NAV2: variants seen among roughly 807,000 people sequenced by gnomAD.
NAV2 encodes the protein helicase, APC down-regulated 1.
In NAV2, 54 loss-of-function variants were observed where a neutral mutation model predicts 223.2. That is an observed-to-expected ratio of 0.24 (90% CI 0.19 to 0.30). The LOEUF (loss-of-function observed/expected upper bound fraction) is 0.30. NAV2 is among the 10% of genes least tolerant of loss of function. The pLI is 1.00. For synonymous variants in NAV2, 1,279 were observed against 1,239.3 expected (o/e 1.03, Z -0.67); for missense variants, 2,806 against 3,147.5 (o/e 0.89, Z 2.60).
chr11:19,655,534 C>T (rs1325382624), intron 1 of NAV2, among the ~76,000 whole-genome samples: 1 of 152,052 alleles, frequency 6.6e-6, no homozygotes, highest in Non-Finnish European at 1.5e-5. Context: ...AAATGTGGCA[C>T]ATATACACCA....
intron 1 of NAV2, chr11:19,714,252 C>T: frequency 3.1e-6 from 2 of 638,956 alleles, no homozygotes; most frequent in Non-Finnish European, 5.8e-6. Context: ...TCTCAAAAAA[C>T]GTGTGCATCG....
chr11:20,045,436 C>T lies in NAV2; in HGVS notation c.3668C>T (p.Ala1223Val). The T allele has an allele frequency of 3.1e-6, 5 of 1,614,184 alleles. No individual in the cohort carries two copies. Among genetic ancestry groups the T allele is most frequent in the Non-Finnish European group, 3.4e-6 (4 of 1,180,026 alleles). Residue 1223 changes from alanine (A) to valine (V), a missense_variant, in exon 14 of 38, where the codon GCA (alanine) becomes GTA (valine). Physicochemically the swap from Ala to Val is moderately conservative, Grantham distance 64. Around this residue, in one of 4 missense-constraint regions of NAV2, gnomAD observed 742 missense variants for 777.9 expected, o/e 0.95. Coordinates refer to ENST00000349880, the MANE Select transcript of NAV2 (RefSeq NM_145117.5). ...SIDSNISSKS[A>V]GLPVPKLREP... ...GATTCCAACATTAGCAGCAAGTCCG[C>T]AGGCCTGCCAGTGCCCAAACTGAGG...
rs139206586 is a variant in NAV2, at chr11:19,937,124, C to G, written c.2034-2537C>G. ...CTGCACACCAGCCTGGGCAACAGAA[C>G]GAGACTGTCTCAAAAACAAACAAAC... is the stretch of plus-strand genomic sequence containing the variant. On this transcript the variant is annotated intron_variant, in intron 7 of 37. Coordinates refer to ENST00000349880, the MANE Select transcript of NAV2 (RefSeq NM_145117.5). Among the ~76,000 whole-genome samples the G allele has an allele frequency of 3.1e-3, 477 of 152,190 alleles. 15 individuals are homozygous for G. In the South Asian group the frequency reaches 0.069, roughly 22 times the overall value.
intron 1 of NAV2, among the ~76,000 whole-genome samples, chr11:19,827,856 GAAT>G (rs1279514786): frequency 6.6e-6 from 1 of 151,984 alleles, no homozygotes; most frequent in Non-Finnish European, 1.5e-5. Flanking sequence ...TGTAATCTGG[GAAT>G]CCCAGCATTC....
intron 1 of NAV2, among the ~76,000 whole-genome samples, chr11:19,566,800 G>T (rs1230756762): frequency 1.3e-5 from 2 of 152,162 alleles, no homozygotes; most frequent in Non-Finnish European, 2.9e-5. Flanking sequence ...GGAAACTAAG[G>T]TCTAGAGGGG....
chr11:19,965,901 G>A (rs1394211169), intron 10 of NAV2, among the ~76,000 whole-genome samples: 3 of 152,204 alleles, frequency 2.0e-5, no homozygotes, highest in Non-Finnish European at 4.4e-5. Context: ...ATAGCTGAAG[G>A]CTAGAGTTAT....
chr11:19,970,527 C>G (rs373698874), intron 10 of NAV2, among the ~76,000 whole-genome samples: 151 of 152,232 alleles, frequency 9.9e-4, no homozygotes, highest in African/African-American at 3.4e-3. Flanking sequence ...TTGGTAGGTA[C>G]CTATCTCGAG....
intron 7 of NAV2, among the ~76,000 whole-genome samples, chr11:19,935,900 A>G (rs1262492727): frequency 9.0e-6 from 1 of 110,598 alleles, no homozygotes. Flanking sequence ...CTCTATCGCC[A>G]TGGCTGGAGT....
intron 1 of NAV2, among the ~76,000 whole-genome samples, chr11:19,825,676 T>G (rs969627565): frequency 2.6e-5 from 4 of 152,230 alleles, no homozygotes; most frequent in African/African-American, 9.6e-5. Flanking sequence ...GAGGGCTAAT[T>G]GCAGTATAAA....
At chr11:19,404,672 G>A (rs551554276) in intron 1 of NAV2, among the ~76,000 whole-genome samples, 1 of 152,048 alleles carries the variant, frequency 6.6e-6, no homozygotes, top group South Asian at 2.1e-4. Flanking sequence ...TTGTAAATGC[G>A]CCTCTGTGCC....
chr11:20,115,627 G>A (rs1183534319), intron 37 of NAV2, among the ~76,000 whole-genome samples: 17 of 42,900 alleles, frequency 4.0e-4, no homozygotes, highest in African/African-American at 9.4e-4. Flanking sequence ...GCAAGACTCC[G>A]TCTCAAAAAA....
chr11:19,676,472 C>A (rs1308784559), intron 1 of NAV2, among the ~76,000 whole-genome samples: 2 of 88,392 alleles, frequency 2.3e-5, no homozygotes, highest in Non-Finnish European at 5.9e-5. Context: ...TCCCTCCTTA[C>A]CTCTCCCTGA....
At chr11:19,650,584 G>T (rs2047942922) in intron 1 of NAV2, among the ~76,000 whole-genome samples, 1 of 152,200 alleles carries the variant, frequency 6.6e-6, no homozygotes, top group Non-Finnish European at 1.5e-5. Context: ...TTAACCCAGA[G>T]AAATGAAAGC....
intron 1 of NAV2, among the ~76,000 whole-genome samples, chr11:19,499,018 A>G (rs2042882843): frequency 6.6e-6 from 1 of 152,226 alleles, no homozygotes; most frequent in Non-Finnish European, 1.5e-5. Context: ...TCCACGGTCA[A>G]CATCTGTCTA....
chr11:19,934,158 C>T lies in NAV2; in HGVS notation c.1914C>T (p.Val638=). The change falls in exon 7 of 38, where the codon GTC becomes GTT. Residue 638 remains valine (V), a synonymous_variant. Coordinates refer to ENST00000349880, the MANE Select transcript of NAV2 (RefSeq NM_145117.5). The stretch of plus-strand genomic sequence containing the variant: ...ACCACAGCATCAGCAGCCAGACTGT[C>T]AGTGGGTCTGTCGGGACCACCCAGA... The part of the protein sequence containing the change: ...TLNHSISSQT[V]SGSVGTTQTT... 2 of 1,614,082 alleles carry T rather than the reference C, an allele frequency of 1.2e-6. No individual in the cohort carries two copies. Among genetic ancestry groups the T allele is most frequent in the South Asian group, 1.1e-5 (1 of 91,062 alleles).
chr11:19,398,242 AAG>A (rs528931495), intron 1 of NAV2, among the ~76,000 whole-genome samples: 9 of 152,042 alleles, frequency 5.9e-5, no homozygotes, highest in East Asian at 3.9e-4. Context: ...AAGCAGGAGC[AAG>A]AGAGAGAGAG....
chr11:19,818,081 T>A (rs966972733), intron 1 of NAV2, among the ~76,000 whole-genome samples: 11 of 151,966 alleles, frequency 7.2e-5, no homozygotes, highest in African/African-American at 2.7e-4. Flanking sequence ...ATGCAAAGCA[T>A]TTTAGCACAG....
chr11:19,794,797 T>C (rs547924003), intron 1 of NAV2, among the ~76,000 whole-genome samples: 5 of 152,302 alleles, frequency 3.3e-5, no homozygotes, highest in African/African-American at 4.8e-5. Context: ...ATTCTTGAGG[T>C]AAACTTACCT....
chr11:20,087,489 G>A (rs1339233283), intron 26 of NAV2, among the ~76,000 whole-genome samples: 1 of 152,156 alleles, frequency 6.6e-6, no homozygotes, highest in African/African-American at 2.4e-5. Context: ...GAGGAGTTGG[G>A]CTTAGGAAAT....
Sources: gnomAD v4.1 joint callset for allele counts (sites outside exome capture counted in the v4.1 genomes callset) on GRCh38, gnomAD v4.1.1 for gene constraint, gnomAD v4.1.1 regional missense constraint, MANE v1.5 for transcripts, NCBI Gene and HGNC (gene_info 2026-07-23, HGNC 2026-07-21) for gene names.